Variants in FARS2 observed in about 807,000 individuals in gnomAD.
FARS2 encodes phenylalanine--tRNA ligase, mitochondrial.
FARS2 carries 40 observed loss-of-function variants against 46.4 expected under a neutral mutation model. The ratio of observed to expected loss-of-function variants is 0.86; its 90% CI spans 0.67 to 1.12. The LOEUF (loss-of-function observed/expected upper bound fraction) is 1.12, where lower values mean the gene tolerates loss of function less well. FARS2 is among the 50% of genes most tolerant of loss of function. FARS2 has a pLI of 0.00. For missense variants in FARS2, 513 were observed against 567.9 expected, an observed-to-expected ratio of 0.90 and a Z score of 0.98; for synonymous variants, 234 against 214.9, an observed-to-expected ratio of 1.09 and a Z score of -0.78.
rs1021666201 is a variant in FARS2 at position 5,630,883 on chromosome 6, G to A, written c.1217+17563G>A. Among the ~76,000 whole-genome samples the A allele has an allele frequency of 6.6e-6, 1 of 152,214 alleles. No individual in the cohort carries two copies. The highest frequency in any genetic ancestry group is 1.5e-5 in the Non-Finnish European group (1 of 68,030). Reference sequence around the variant, plus strand: ...CTGAAAATATGAATGGAGTCTGAGCGATGCTTTGATCAGCATTTCTTAATA... The same window carrying A: ...CTGAAAATATGAATGGAGTCTGAGCAATGCTTTGATCAGCATTTCTTAATA... On this transcript the variant is annotated intron_variant, in intron 6 of 6. Transcript: ENST00000274680. This position sits in a 1 kb window ranked among gnomAD's most constrained non-coding sequence, Gnocchi z 4.2.
chr6:5,410,244 C>G (rs1761866274), intron 3 of FARS2, among the ~76,000 whole-genome samples: 1 of 151,494 alleles, frequency 6.6e-6, no homozygotes. Flanking sequence ...AACTCTGCCT[C>G]CTGGGTTCCC....
chr6:5,439,178 C>G (rs964449134), intron 4 of FARS2, among the ~76,000 whole-genome samples: 3 of 152,156 alleles, frequency 2.0e-5, no homozygotes, highest in Non-Finnish European at 2.9e-5. Context: ...GTTCAGATCT[C>G]AGTTCAGTTT....
chr6:5,317,593 C>T, intron 1 of FARS2, among the ~76,000 whole-genome samples: 1 of 151,726 alleles, frequency 6.6e-6, no homozygotes, highest in Non-Finnish European at 1.5e-5. Flanking sequence ...CCAGCCTGGG[C>T]AACATGGCAA....
intron 2 of FARS2, among the ~76,000 whole-genome samples, chr6:5,399,069 T>C (rs1761071553): frequency 6.6e-6 from 1 of 151,128 alleles, no homozygotes; most frequent in Non-Finnish European, 1.5e-5. Context: ...CTTCTGTCCA[T>C]CATTACTGTT....
intron 1 of FARS2, among the ~76,000 whole-genome samples, chr6:5,331,014 A>G (rs868242565): frequency 6.6e-6 from 1 of 151,418 alleles, no homozygotes; most frequent in East Asian, 1.9e-4. Context: ...CTGAAGCCGG[A>G]GAATTGTTTG....
intron 1 of FARS2, among the ~76,000 whole-genome samples, chr6:5,341,233 A>ATTTTTTTTT (rs1561970169): frequency 1.0e-3 from 7 of 6,712 alleles, no homozygotes; most frequent in African/African-American, 2.4e-3. Context: ...ATATATATAT[A>ATTTTTTTTT]TATTTTTTTT....
intron 5 of FARS2, among the ~76,000 whole-genome samples, chr6:5,591,622 C>T (rs1444748910): frequency 6.6e-6 from 1 of 152,202 alleles, no homozygotes; most frequent in Non-Finnish European, 1.5e-5. Flanking sequence ...TTGAAGGAAC[C>T]TCAGCTTTAT....
intron 1 of FARS2, among the ~76,000 whole-genome samples, chr6:5,336,794 C>T (rs776963609): frequency 6.6e-6 from 1 of 152,136 alleles, no homozygotes; most frequent in Non-Finnish European, 1.5e-5. Flanking sequence ...TGTGTTTCCT[C>T]ATGCACTGCA....
chr6:5,549,292 A>G (rs1268857011), intron 5 of FARS2, among the ~76,000 whole-genome samples: 1 of 151,770 alleles, frequency 6.6e-6, no homozygotes, highest in Non-Finnish European at 1.5e-5. Flanking sequence ...TTAACTCGTC[A>G]TTTACATTAG....
chr6:5,763,141 G>A (rs1240296461), intron 6 of FARS2, among the ~76,000 whole-genome samples: 1 of 152,202 alleles, frequency 6.6e-6, no homozygotes, highest in Non-Finnish European at 1.5e-5. Flanking sequence ...TTAGGCCAGC[G>A]TGCTTCCCTC....
At chr6:5,569,608 A>C (rs1033335426) in intron 5 of FARS2, among the ~76,000 whole-genome samples, 8 of 152,180 alleles carry the variant, frequency 5.3e-5, no homozygotes, top group Non-Finnish European at 1.2e-4. Context: ...TTTAATTGGC[A>C]TAGTCAAGTC....
intron 5 of FARS2, chr6:5,610,009 G>A: frequency 9.8e-7 from 1 of 1,021,108 alleles, no homozygotes; most frequent in South Asian, 1.3e-5. Flanking sequence ...CTCCTCCGCA[G>A]TGGCATAGTG....
intron 3 of FARS2, among the ~76,000 whole-genome samples, chr6:5,424,884 G>A (rs1367602523): frequency 1.3e-5 from 2 of 152,318 alleles, no homozygotes; most frequent in South Asian, 4.1e-4. Flanking sequence ...CAGAATAGAT[G>A]GAATCATCAG....
At chr6:5,264,756 T>C (rs577471967) in intron 1 of FARS2, among the ~76,000 whole-genome samples, 5 of 152,246 alleles carry the variant, frequency 3.3e-5, no homozygotes, top group Admixed American at 2.6e-4. Flanking sequence ...TGATGAGAGC[T>C]TCCCCACCCC....
intron 4 of FARS2, among the ~76,000 whole-genome samples, chr6:5,504,633 C>T (rs1376185034): frequency 1.3e-5 from 2 of 152,066 alleles, no homozygotes; most frequent in Non-Finnish European, 2.9e-5. Context: ...TGACACCAAG[C>T]TCGTATCAAA....
intron 4 of FARS2, among the ~76,000 whole-genome samples, chr6:5,505,959 C>A (rs1212150161): frequency 6.6e-6 from 1 of 152,166 alleles, no homozygotes; most frequent in African/African-American, 2.4e-5. Flanking sequence ...TTCTTTTCCA[C>A]CTGAGTTTTA....
At chr6:5,259,674 T>C (rs913548323), upstream of FARS2, among the ~76,000 whole-genome samples, 5 of 152,348 alleles carry the variant, frequency 3.3e-5, no homozygotes, top group East Asian at 1.9e-4. Context: ...TCTGCTCTTA[T>C]GACATCCAAT....
intron 4 of FARS2, among the ~76,000 whole-genome samples, chr6:5,449,070 C>G (rs1040733513): frequency 6.6e-6 from 1 of 152,102 alleles, no homozygotes; most frequent in Non-Finnish European, 1.5e-5. Flanking sequence ...AGTCACTGGC[C>G]GGGTGCCGTG....
At chr6:5,676,025 A>G (rs560396824) in intron 6 of FARS2, among the ~76,000 whole-genome samples, 280 of 152,340 alleles carry the variant, frequency 1.8e-3, no homozygotes, top group Non-Finnish European at 3.2e-3. Flanking sequence ...CACTTAAAGT[A>G]TAAATTAAAA....
Sources: allele counts gnomAD v4.1 joint callset (sites outside exome capture counted in the v4.1 genomes callset), GRCh38; gene constraint gnomAD v4.1.1; non-coding constraint Gnocchi (gnomAD v3.1); transcripts MANE v1.5; gene names NCBI Gene and HGNC (gene_info 2026-07-23, HGNC 2026-07-21).